PDE1C: variants seen among roughly 807,000 people sequenced by gnomAD.
PDE1C encodes dual specificity calcium/calmodulin-dependent 3',5'-cyclic nucleotide phosphodiesterase 1C.
PDE1C carries 62 observed loss-of-function variants against 93.1 expected under a neutral mutation model. The observed-to-expected ratio is 0.67, with a 90% confidence interval of 0.54 to 0.82. The LOEUF (loss-of-function observed/expected upper bound fraction) is 0.82, where lower values mean the gene tolerates loss of function less well. Among genes scored for constraint, PDE1C ranks in the 40% least tolerant of loss-of-function variants. PDE1C has a pLI of 0.00. For missense variants in PDE1C, 742 were observed against 884.6 expected (o/e 0.84, Z 2.04); for synonymous variants, 325 against 310.1 (o/e 1.05, Z -0.50).
intron 1 of PDE1C, among the ~76,000 whole-genome samples, chr7:32,226,572 G>A (rs1388211739): frequency 1.3e-5 from 2 of 152,190 alleles, no homozygotes; most frequent in African/African-American, 4.8e-5. Flanking sequence ...GGGGGCCCCT[G>A]ATGAGGGGCT....
chr7:31,778,988 A>G (rs947923358), intron 16 of PDE1C, among the ~76,000 whole-genome samples: 2 of 152,148 alleles, frequency 1.3e-5, no homozygotes, highest in East Asian at 3.9e-4. Flanking sequence ...GTTTCCTTCA[A>G]GCACAGTCTC....
chr7:31,683,668 C>T, the PDE1C span, among the ~76,000 whole-genome samples: 7 of 152,120 alleles, frequency 4.6e-5, no homozygotes, highest in African/African-American at 1.7e-4. Flanking sequence ...GCTCTCTCTT[C>T]CTCTCTCTTT....
chr7:32,069,767 A>G (rs533872709), intron 1 of PDE1C, among the ~76,000 whole-genome samples: 158 of 152,300 alleles, frequency 1.0e-3, no homozygotes, highest in African/African-American at 3.5e-3. Context: ...CTTTCCTTCT[A>G]GTAAACATTT....
chr7:31,988,599 G>A (rs1455360593), intron 2 of PDE1C, among the ~76,000 whole-genome samples: 1 of 152,148 alleles, frequency 6.6e-6, no homozygotes, highest in Non-Finnish European at 1.5e-5. Context: ...GCATGTGCCT[G>A]TAGTCCAGCT....
chr7:31,916,497 T>A (rs553075868), intron 2 of PDE1C, among the ~76,000 whole-genome samples: 143 of 152,284 alleles, frequency 9.4e-4, no homozygotes, highest in African/African-American at 3.2e-3. Context: ...ATGCTGCTGG[T>A]TCATGGACAA....
chr7:32,375,359 C>T (rs1056316793), intron 1 of PDE1C, among the ~76,000 whole-genome samples: 6 of 152,022 alleles, frequency 3.9e-5, no homozygotes, highest in South Asian at 4.2e-4. Context: ...GGATTAACGC[C>T]GGGAGTGCAA....
At chr7:32,059,424 T>G (rs1294406559) in intron 1 of PDE1C, among the ~76,000 whole-genome samples, 1 of 152,178 alleles carries the variant, frequency 6.6e-6, no homozygotes, top group Non-Finnish European at 1.5e-5. Context: ...AAGCCCCACC[T>G]GGGGCTACAC....
At chr7:31,891,065 C>G (rs1480986983) in intron 2 of PDE1C, among the ~76,000 whole-genome samples, 2 of 152,182 alleles carry the variant, frequency 1.3e-5, no homozygotes, top group Non-Finnish European at 2.9e-5. Flanking sequence ...GTCAAGAAAT[C>G]CTGGAGAGCT....
At chr7:32,392,978 G>A (rs1203730315) in intron 1 of PDE1C, among the ~76,000 whole-genome samples, 2 of 147,448 alleles carry the variant, frequency 1.4e-5, no homozygotes, top group Non-Finnish European at 1.5e-5. Context: ...GAATCCTGGA[G>A]GCAGAGGTTG....
intron 6 of PDE1C, among the ~76,000 whole-genome samples, chr7:31,871,202 C>T (rs867033134): frequency 4.3e-4 from 65 of 151,722 alleles, no homozygotes; most frequent in African/African-American, 1.5e-3. Context: ...AGACATCCAT[C>T]TCTCATCATA....
intron 7 of PDE1C, among the ~76,000 whole-genome samples, chr7:31,857,896 A>AT (rs1794220332): frequency 6.6e-6 from 1 of 152,226 alleles, no homozygotes; most frequent in Non-Finnish European, 1.5e-5. Flanking sequence ...ACAATAGCAC[A>AT]TTCAAAGGGC....
intron 3 of PDE1C, among the ~76,000 whole-genome samples, chr7:32,122,091 A>C (rs1799332425): frequency 6.6e-6 from 1 of 152,244 alleles, no homozygotes; most frequent in Non-Finnish European, 1.5e-5. Flanking sequence ...GACCAAACAG[A>C]CTTTAAACCA....
chr7:31,743,068 G>GT, the PDE1C span, among the ~76,000 whole-genome samples: 2 of 151,026 alleles, frequency 1.3e-5, no homozygotes, highest in African/African-American at 2.4e-5. Context: ...TATCTCTATA[G>GT]TTTTTTTGTT....
intron 2 of PDE1C, among the ~76,000 whole-genome samples, chr7:31,924,904 T>C (rs200021552): frequency 1.3e-5 from 2 of 152,238 alleles, no homozygotes; most frequent in East Asian, 3.8e-4. Context: ...AAAAGCAGTC[T>C]TTAATTCAGG....
chr7:31,652,570 A>G, the PDE1C span: 1 of 1,611,118 alleles, frequency 6.2e-7, no homozygotes, highest in Non-Finnish European at 8.5e-7. Context: ...AATCTGCATC[A>G]ATATAACTGG....
At chr7:32,383,893 C>G (rs1784577984) in intron 1 of PDE1C, among the ~76,000 whole-genome samples, 1 of 152,238 alleles carries the variant, frequency 6.6e-6, no homozygotes, top group East Asian at 1.9e-4. Context: ...CTCCAAACCT[C>G]AGTTTCTGCG....
the PDE1C span, among the ~76,000 whole-genome samples, chr7:31,648,993 CCATAATCTAG>C: frequency 1.3e-5 from 2 of 152,214 alleles, no homozygotes; most frequent in Non-Finnish European, 2.9e-5. Context: ...GTCTTAAGAG[CCATAATCTAG>C]CATTCCTGCC....
intron 6 of PDE1C, among the ~76,000 whole-genome samples, chr7:31,868,746 C>A (rs1020085868): frequency 7.9e-5 from 12 of 151,992 alleles, no homozygotes; most frequent in African/African-American, 2.9e-4. Flanking sequence ...CACATTAGAG[C>A]CAAACTGTCA....
In PDE1C at chr7:32,249,178, T is replaced by C. The variant is rs907410019; in HGVS notation, c.86-39639A>G. ...TCTGGACAAGAAGGGTGCTATGGAA[T>C]GGGTTCAATCAGGGCATAAAAATTC... On this transcript the variant is annotated intron_variant, in intron 1 of 18. Transcript: ENST00000396193. Among the ~76,000 whole-genome samples, 4 of 152,102 alleles carry C rather than the reference T, an allele frequency of 2.6e-5. No homozygotes were observed. The South Asian group carries it at 8.3e-4, about 32-fold the overall frequency.
Sources: allele counts gnomAD v4.1 joint callset (sites outside exome capture counted in the v4.1 genomes callset), GRCh38; gene constraint gnomAD v4.1.1; transcripts MANE v1.5; gene names NCBI Gene and HGNC (gene_info 2026-07-23, HGNC 2026-07-21).